The following TENM3 variants were observed in gnomAD, a reference collection of about 807,000 sequenced individuals.
TENM3 encodes teneurin transmembrane protein 3.
Under a neutral mutation model 255.1 loss-of-function variants are expected in TENM3, and 63 were observed. The observed-to-expected ratio is 0.25, with a 90% CI of 0.20 to 0.30. The LOEUF (loss-of-function observed/expected upper bound fraction) is 0.30. Ranked by LOEUF, TENM3 falls within the 10% of genes least tolerant of loss-of-function variation. The pLI is 1.00. For missense variants in TENM3, 2,929 were observed against 3,461.1 expected, an observed-to-expected ratio of 0.85 and a Z score of 3.86; for synonymous variants, 1,306 against 1,322.3, an observed-to-expected ratio of 0.99 and a Z score of 0.27.
the TENM3 span, among the ~76,000 whole-genome samples, chr4:181,997,052 G>A: frequency 9.9e-4 from 150 of 152,214 alleles, no homozygotes; most frequent in African/African-American, 3.5e-3. Context: ...AAAGTTTTAG[G>A]GCTCGGCTGT....
chr4:181,509,924 G>T, the TENM3 span, among the ~76,000 whole-genome samples: 1 of 152,208 alleles, frequency 6.6e-6, no homozygotes, highest in East Asian at 1.9e-4. Flanking sequence ...CAGAGTTAGA[G>T]AGTAAAATAA....
intron 1 of TENM3, among the ~76,000 whole-genome samples, chr4:182,277,733 C>G (rs1290134164): frequency 6.6e-6 from 1 of 152,166 alleles, no homozygotes; most frequent in East Asian, 1.9e-4. Flanking sequence ...CAAAACTGCT[C>G]TTGTTGCCAG....
At chr4:182,226,906 A>G (rs770001814) in intron 1 of TENM3, among the ~76,000 whole-genome samples, 1 of 152,074 alleles carries the variant, frequency 6.6e-6, no homozygotes, top group Non-Finnish European at 1.5e-5. Context: ...ATGACTGGGT[A>G]TGGTCTTTGG....
At chr4:182,244,089 G>A (rs547190878) in intron 1 of TENM3, among the ~76,000 whole-genome samples, 122 of 151,688 alleles carry the variant, frequency 8.0e-4, no homozygotes, top group Admixed American at 1.4e-3. Context: ...GAGTAGCTGG[G>A]ACTACAGGCG....
intron 3 of TENM3, among the ~76,000 whole-genome samples, chr4:182,466,854 T>G (rs763708430): frequency 1.0e-3 from 40 of 40,120 alleles, no homozygotes; most frequent in Non-Finnish European, 3.3e-3. Context: ...CTGTCTTCAG[T>G]TTTTTTTTTT....
the TENM3 span, among the ~76,000 whole-genome samples, chr4:181,777,211 G>A: frequency 7.5e-4 from 114 of 152,124 alleles, no homozygotes; most frequent in African/African-American, 2.6e-3. Context: ...CCGACAATGA[G>A]TTGGCTAGAA....
intron 3 of TENM3, among the ~76,000 whole-genome samples, chr4:182,552,538 G>A (rs1037757801): frequency 1.7e-4 from 26 of 152,196 alleles, no homozygotes; most frequent in African/African-American, 6.0e-4. Flanking sequence ...AACTTGAAGA[G>A]TGTTCTGAGA....
At chr4:182,080,957 C>T in the TENM3 span, among the ~76,000 whole-genome samples, 1 of 152,136 alleles carries the variant, frequency 6.6e-6, no homozygotes, top group Non-Finnish European at 1.5e-5. Flanking sequence ...CACCACTGCA[C>T]TCCAGCCTGG....
At chr4:181,741,541 G>A in the TENM3 span, among the ~76,000 whole-genome samples, 121 of 152,280 alleles carry the variant, frequency 7.9e-4, no homozygotes, top group Non-Finnish European at 1.4e-3. Flanking sequence ...TTTTAATGCA[G>A]TTAACTGAAA....
intron 1 of TENM3, among the ~76,000 whole-genome samples, chr4:182,207,423 C>T (rs1017808563): frequency 6.6e-6 from 1 of 152,184 alleles, no homozygotes; most frequent in African/African-American, 2.4e-5. Context: ...AATGTAAGTG[C>T]TTTATCTAAA....
At chr4:182,012,615 A>C in the TENM3 span, 1 of 152,226 alleles carries the variant, frequency 6.6e-6, no homozygotes, top group African/African-American at 2.4e-5. Context: ...CATGTGGTGG[A>C]TAACACTTTT....
the TENM3 span, among the ~76,000 whole-genome samples, chr4:181,914,770 A>T: frequency 6.6e-6 from 1 of 152,184 alleles, no homozygotes; most frequent in Non-Finnish European, 1.5e-5. Flanking sequence ...TATAAATAAC[A>T]AAGATGGTGA....
chr4:182,055,617 C>A, the TENM3 span, among the ~76,000 whole-genome samples: 2 of 152,046 alleles, frequency 1.3e-5, no homozygotes, highest in Non-Finnish European at 2.9e-5. Flanking sequence ...CTTGCTGTAG[C>A]GCTAATTTCC....
intron 1 of TENM3, among the ~76,000 whole-genome samples, chr4:182,201,444 C>G (rs1468754237): frequency 6.6e-6 from 1 of 152,108 alleles, no homozygotes; most frequent in African/African-American, 2.4e-5. Context: ...CTGACTGATG[C>G]TGTGTGACAG....
At chr4:182,660,522 T>C (rs1190415005) in intron 6 of TENM3, among the ~76,000 whole-genome samples, 1 of 152,222 alleles carries the variant, frequency 6.6e-6, no homozygotes, top group Non-Finnish European at 1.5e-5. Flanking sequence ...AGCTATTCAA[T>C]GCATATCAGT....
intron 4 of TENM3, among the ~76,000 whole-genome samples, chr4:182,627,138 T>C (rs1318099495): frequency 1.3e-5 from 2 of 152,244 alleles, no homozygotes; most frequent in African/African-American, 2.4e-5. Context: ...CTATTCAGCC[T>C]TTTCTAAGCA....
chr4:181,917,661 TTC>T, the TENM3 span, among the ~76,000 whole-genome samples: 2 of 148,374 alleles, frequency 1.3e-5, no homozygotes, highest in African/African-American at 2.6e-5. Flanking sequence ...TTTTTTTTTT[TTC>T]TTTTTTTTTT....
At chr4:181,881,901 T>C in the TENM3 span, among the ~76,000 whole-genome samples, 1 of 152,194 alleles carries the variant, frequency 6.6e-6, no homozygotes, top group Admixed American at 6.5e-5. Flanking sequence ...TTCAAACTTT[T>C]AATGACAGTC....
intron 17 of TENM3, 133 bp downstream of exon 17, chr4:182,737,208 A>C: frequency 4.2e-6 from 4 of 957,198 alleles, no homozygotes; most frequent in Non-Finnish European, 6.3e-6. Context: ...GGGATATTAT[A>C]CCTTGGCTGG....
Sources: gnomAD v4.1 joint callset for allele counts (sites outside exome capture counted in the v4.1 genomes callset) on GRCh38, gnomAD v4.1.1 for gene constraint, MANE v1.5 for transcripts, NCBI Gene and HGNC (gene_info 2026-07-23, HGNC 2026-07-21) for gene names.